MME: variants seen among roughly 807,000 people sequenced by gnomAD.
MME encodes neprilysin.
Under a neutral mutation model 113.2 loss-of-function variants are expected in MME, and 98 were observed. The ratio of observed to expected loss-of-function variants is 0.87; its 90% CI spans 0.74 to 1.02. The LOEUF (loss-of-function observed/expected upper bound fraction) is 1.02, where lower values mean the gene tolerates loss of function less well. MME is among the 50% of genes least tolerant of loss of function. The pLI is 0.00. For synonymous variants in MME, 292 were observed against 300.6 expected (o/e 0.97, Z 0.30); for missense variants, 836 against 896.0 (o/e 0.93, Z 0.86).
chr3:155,132,780 C>T (rs1017333015), intron 8 of MME, among the ~76,000 whole-genome samples: 6 of 151,776 alleles, frequency 4.0e-5, no homozygotes, highest in African/African-American at 9.7e-5. Context: ...ATTTGCCTGA[C>T]GTGGTGGCTC....
At chr3:155,180,285 A>G (rs1712952451) in intron 22 of MME, 75 bp from the exon 23 acceptor site, 2 of 1,048,288 alleles carry the variant, frequency 1.9e-6, no homozygotes, top group African/African-American at 1.6e-5. Flanking sequence ...TGCAGAGGGA[A>G]ATGCTTCAGG....
intron 8 of MME, among the ~76,000 whole-genome samples, chr3:155,127,446 C>T (rs867700447): frequency 2.6e-5 from 4 of 152,178 alleles, no homozygotes; most frequent in Non-Finnish European, 5.9e-5. Flanking sequence ...ATGTAAATGG[C>T]GCAGAACTTG....
At chr3:155,114,054 A>G (rs565328168) in intron 3 of MME, among the ~76,000 whole-genome samples, 1 of 152,306 alleles carries the variant, frequency 6.6e-6, no homozygotes, top group East Asian at 1.9e-4. Flanking sequence ...TAATTAATTA[A>G]TTAATTCATA....
At chr3:155,096,762 G>A (rs1716776661) in intron 3 of MME, among the ~76,000 whole-genome samples, 1 of 152,088 alleles carries the variant, frequency 6.6e-6, no homozygotes, top group Admixed American at 6.6e-5. Flanking sequence ...CTGTCACCCA[G>A]GCTGGAGTTC....
At chr3:155,173,560 A>G (rs572150614) in intron 22 of MME, among the ~76,000 whole-genome samples, 45 of 149,834 alleles carry the variant, frequency 3.0e-4, no homozygotes, top group Admixed American at 7.9e-4. Flanking sequence ...TCAGCTTGCT[A>G]GTATCATCGT....
chr3:155,132,907 G>A (rs3773887), intron 8 of MME, among the ~76,000 whole-genome samples: 55,629 of 150,484 alleles, frequency 0.37, 10,878 homozygotes, highest in South Asian at 0.56. Flanking sequence ...CAAAAAATTA[G>A]CCGGGCATGG....
intron 3 of MME, among the ~76,000 whole-genome samples, chr3:155,107,730 A>C (rs1380369024): frequency 2.0e-5 from 3 of 152,226 alleles, no homozygotes; most frequent in Admixed American, 1.3e-4. Context: ...ACATGCACAG[A>C]CTGGTGAAAA....
rs1389589083 is a variant in MME at position 155,080,636 on chromosome 3, G to A, written c.-11+170G>A. 2.0e-5 allele frequency among the ~76,000 whole-genome samples: 3 copies of A among 152,112 alleles called. No homozygotes were observed. In the East Asian group the frequency reaches 5.8e-4, roughly 29 times the overall value. ...AAATCTCACAAGGGTTGGTCGGTGC[G>A]GGGCTGGTGTGTCCTTTTGTAGATG... is the stretch of plus-strand genomic sequence containing the variant. On this transcript the variant is annotated intron_variant, in intron 1 of 22. Transcript: ENST00000360490.
chr3:155,106,585 G>A (rs139379006), intron 3 of MME, among the ~76,000 whole-genome samples: 1 of 152,096 alleles, frequency 6.6e-6, no homozygotes, highest in Non-Finnish European at 1.5e-5. Context: ...TGAATCCTTT[G>A]TGACCCGTTG....
intron 8 of MME, among the ~76,000 whole-genome samples, chr3:155,134,603 G>A (rs940665196): frequency 3.9e-5 from 6 of 152,126 alleles, no homozygotes; most frequent in Non-Finnish European, 7.4e-5. Context: ...ATTAACAAAT[G>A]AGTGCATAAG....
At chr3:155,086,302 C>A (rs571326292) in intron 3 of MME, among the ~76,000 whole-genome samples, 2 of 152,172 alleles carry the variant, frequency 1.3e-5, no homozygotes, top group South Asian at 4.2e-4. Context: ...GGAGGCAGCC[C>A]ACACAGAAAT....
At chr3:155,046,414 G>A (rs1166955815) in intron 1 of MME, among the ~76,000 whole-genome samples, 2 of 152,224 alleles carry the variant, frequency 1.3e-5, no homozygotes, top group Non-Finnish European at 2.9e-5. Context: ...CTGGCCGGGA[G>A]TGATGGCTCA....
intron 22 of MME, among the ~76,000 whole-genome samples, chr3:155,173,968 C>T (rs938764290): frequency 6.6e-6 from 1 of 151,940 alleles, no homozygotes; most frequent in African/African-American, 2.4e-5. Flanking sequence ...AGAGGATTAA[C>T]GTTAATATAA....
chr3:155,132,916 G>A (rs1226841402), intron 8 of MME, among the ~76,000 whole-genome samples: 2 of 150,712 alleles, frequency 1.3e-5, no homozygotes, highest in Non-Finnish European at 3.0e-5. Flanking sequence ...AGCCGGGCAT[G>A]GTGGCACATG....
intron 3 of MME, among the ~76,000 whole-genome samples, chr3:155,092,283 T>G (rs1255581914): frequency 2.6e-5 from 4 of 152,214 alleles, no homozygotes; most frequent in Admixed American, 6.5e-5. Context: ...CTGGTCAAGC[T>G]GATACCTAAA....
chr3:155,063,227 T>C (rs1431494561), intron 1 of MME, among the ~76,000 whole-genome samples: 2 of 114,394 alleles, frequency 1.7e-5, no homozygotes, highest in African/African-American at 3.3e-5. Context: ...TACATATGTA[T>C]ATTATTATAT....
chr3:155,148,769 CT>C, intron 16 of MME, 116 bp downstream of exon 16: 2 of 753,850 alleles, frequency 2.7e-6, no homozygotes, highest in Non-Finnish European at 4.6e-6. Context: ...ACAAAGTCCT[CT>C]TTTTATTGAG....
At chr3:155,098,755 G>A (rs182871754) in intron 3 of MME, among the ~76,000 whole-genome samples, 23 of 152,178 alleles carry the variant, frequency 1.5e-4, no homozygotes, top group African/African-American at 3.1e-4. Context: ...TTAAGATGTC[G>A]TCATGAAAAT....
intron 2 of MME, among the ~76,000 whole-genome samples, chr3:155,084,721 TACA>T (rs761952527): frequency 6.6e-6 from 1 of 152,276 alleles, no homozygotes; most frequent in East Asian, 1.9e-4. Flanking sequence ...GGAAGTTTTT[TACA>T]ACAAGGATGA....
Sources: gnomAD v4.1 joint callset for allele counts (sites outside exome capture counted in the v4.1 genomes callset) on GRCh38, gnomAD v4.1.1 for gene constraint, MANE v1.5 for transcripts, NCBI Gene and HGNC (gene_info 2026-07-23, HGNC 2026-07-21) for gene names.